TRANK1: variants seen among roughly 807,000 people sequenced by gnomAD.
TRANK1 encodes the protein TPR and ankyrin repeat-containing protein 1.
TRANK1 carries 198 observed loss-of-function variants against 266.0 expected under a neutral mutation model. The ratio of observed to expected loss-of-function variants is 0.74; its 90% CI spans 0.66 to 0.84. The LOEUF (loss-of-function observed/expected upper bound fraction) is 0.84, where lower values mean the gene tolerates loss of function less well. Among genes scored for constraint, TRANK1 ranks in the 40% least tolerant of loss-of-function variants. The pLI, the probability that TRANK1 is intolerant of heterozygous loss-of-function variation, is 0.00. For synonymous variants in TRANK1, 1,396 were observed against 1,384.1 expected (o/e 1.01, Z -0.19); for missense variants, 3,326 against 3,634.6 (o/e 0.92, Z 2.18).
intron 17 of TRANK1, among the ~76,000 whole-genome samples, chr3:36,843,809 C>T (rs927554609): frequency 2.6e-5 from 4 of 152,278 alleles, no homozygotes; most frequent in African/African-American, 7.2e-5. Context: ...ACACGTTAAG[C>T]ATCACAACCT....
chr3:36,853,773 T>C lies in TRANK1; in HGVS notation c.4549+1400A>G, dbSNP rs141638756. Among the ~76,000 whole-genome samples the C allele has an allele frequency of 2.3e-4, 35 of 152,288 alleles. No homozygotes were observed. In the East Asian group the frequency reaches 5.4e-3, roughly 23 times the overall value. On this transcript the variant is annotated intron_variant, in intron 13 of 23. Transcript: ENST00000645898. ...GAAAGAAACCAGACACAAAAGGCCATGTATTATATGATTACACTCATATGA... is the reference window on the plus strand; with the variant it reads ...GAAAGAAACCAGACACAAAAGGCCACGTATTATATGATTACACTCATATGA...
chr3:36,844,233 G>GT (rs2078885806), intron 17 of TRANK1, among the ~76,000 whole-genome samples: 1 of 151,916 alleles, frequency 6.6e-6, no homozygotes, highest in Admixed American at 6.6e-5. Context: ...TTTGTTTTTT[G>GT]TTTTTTGTTT....
chr3:36,872,529 T>C (rs1463755568), intron 9 of TRANK1, among the ~76,000 whole-genome samples: 2 of 152,044 alleles, frequency 1.3e-5, no homozygotes, highest in African/African-American at 4.8e-5. Context: ...GTGGCAAATA[T>C]AAAACATGAA....
At chr3:36,926,380 C>T (rs1487469050) in intron 1 of TRANK1, among the ~76,000 whole-genome samples, 1 of 152,242 alleles carries the variant, frequency 6.6e-6, no homozygotes, top group African/African-American at 2.4e-5. Context: ...ACACTCTTAG[C>T]AGTCCCATGA....
At chr3:36,933,214 C>T (rs531395227) in intron 1 of TRANK1, among the ~76,000 whole-genome samples, 57 of 152,246 alleles carry the variant, frequency 3.7e-4, no homozygotes, top group Admixed American at 2.1e-3. Flanking sequence ...TTTAGCCAAC[C>T]GGGATTAGTT....
chr3:36,839,558 C>T (rs1478256406), intron 18 of TRANK1, among the ~76,000 whole-genome samples: 7 of 152,230 alleles, frequency 4.6e-5, no homozygotes, highest in African/African-American at 9.6e-5. Context: ...GGCCTTTGCA[C>T]ACACTGTTCC....
At position 36,832,029 on chromosome 3, in the gene TRANK1, G is replaced by A; in HGVS notation, c.7554C>T (p.Ala2518=). ...QEYKPKDVTR[A]IQDFRFHLSY... ...AGAGATGGAACCGGAAATCCTGAAT[G>A]GCTCTTGTCACGTCCTTGGGTTTGT... Residue 2518 remains alanine, a synonymous_variant, in exon 22 of 24, where the codon GCC becomes GCT. Transcript: ENST00000645898. 6.2e-7 allele frequency: 1 copy of A among 1,614,028 alleles called. No homozygotes were observed. The highest frequency in any genetic ancestry group is 8.5e-7 in the Non-Finnish European group (1 of 1,179,904).
intron 20 of TRANK1, 135 bp downstream of exon 20, chr3:36,838,237 G>A: frequency 5.2e-6 from 7 of 1,354,454 alleles, no homozygotes; most frequent in Non-Finnish European, 7.1e-6. Context: ...GCTTCCCTTA[G>A]AGTCGCAGGG....
At chr3:36,842,962 G>A (rs2078868030) in intron 17 of TRANK1, among the ~76,000 whole-genome samples, 1 of 152,124 alleles carries the variant, frequency 6.6e-6, no homozygotes, top group Admixed American at 6.5e-5. Flanking sequence ...TTAGAACACG[G>A]GGCGACCCCA....
chr3:36,833,795 C>A lies in TRANK1; in HGVS notation c.5788G>T (p.Val1930Phe), dbSNP rs367807337. ...SANKMKEMMA[V>F]LSKLDIEDQL... ...TCTTCTATGTCTAGCTTTGAGAGGACAGCCATCATTTCCTTCATCTTATTT... is the reference window on the plus strand; with the variant it reads ...TCTTCTATGTCTAGCTTTGAGAGGAAAGCCATCATTTCCTTCATCTTATTT... Residue 1930 changes from valine (V) to phenylalanine (F), a missense_variant, in exon 22 of 24, where the codon GTC becomes TTC. Physicochemically the swap from Val to Phe is conservative, Grantham distance 50. Transcript: ENST00000645898. The A allele has an allele frequency of 6.2e-7, 1 of 1,614,030 alleles. No individual in the cohort carries two copies. The highest frequency in any genetic ancestry group is 1.7e-5 in the Admixed American group (1 of 60,024).
At chr3:36,846,137 GA>G in intron 17 of TRANK1, 110 bp downstream of exon 17, 1 of 1,156,532 alleles carries the variant, frequency 8.6e-7, no homozygotes, top group Non-Finnish European at 1.2e-6. Context: ...GAAGATTGTG[GA>G]AAAGAAAGAA....
chr3:36,910,098 C>A (rs879583183), intron 1 of TRANK1, among the ~76,000 whole-genome samples: 7 of 152,130 alleles, frequency 4.6e-5, no homozygotes, highest in African/African-American at 7.2e-5. Context: ...AAGAAAAGAC[C>A]AACATTCTCA....
In TRANK1 at chr3:36,831,138, G is replaced by C. The variant is rs775923832; in HGVS notation, c.8445C>G (p.Ser2815Arg). The C allele has an allele frequency of 6.2e-7, 1 of 1,613,922 alleles. No individual in the cohort carries two copies. Among genetic ancestry groups the C allele is most frequent in the Non-Finnish European group, 8.5e-7 (1 of 1,179,886 alleles). The change falls in exon 22 of 24, where the codon AGC becomes AGG. Residue 2815 changes from serine (S) to arginine (R), a missense_variant. By Grantham distance (110) the Ser-to-Arg change is moderately radical (BLOSUM62 -1). Coordinates refer to ENST00000645898, the MANE Select transcript of TRANK1 (RefSeq NM_001329998.2). This position sits in a 1 kb window ranked among gnomAD's most constrained non-coding sequence, Gnocchi z 5.0. ...GATGGATATGCTGCTCGTAAGACTCGCTGTTCCTCTCCTGACACTCCTCCC... is the reference window on the plus strand; with the variant it reads ...GATGGATATGCTGCTCGTAAGACTCCCTGTTCCTCTCCTGACACTCCTCCC... ...LEREECQERN[S>R]ESYEQHIHLE... is the part of the protein sequence containing the mutation.
Position 36,831,167 on chromosome 3 carries a change from C to T in TRANK1, c.8416G>A (p.Glu2806Lys). 2 of 1,614,012 alleles carry T rather than the reference C, an allele frequency of 1.2e-6. No individual in the cohort carries two copies. The highest frequency in any genetic ancestry group is 3.3e-4 in the Middle Eastern group (2 of 6,062). The change falls in exon 22 of 24, where the codon GAA becomes AAA. Residue 2806 changes from glutamate to lysine, a missense_variant. Transcript: ENST00000645898. This position sits in a 1 kb window ranked among gnomAD's most constrained non-coding sequence, Gnocchi z 5.0. Reference protein sequence around the residue: ...EVAVLSRAELEREECQERNSE... With the variant: ...EVAVLSRAELKREECQERNSE... ...TTCCTCTCCTGACACTCCTCCCTTT[C>T]CAGCTCAGCCCTGGAAAGGACTGCC...
chr3:36,827,941 C>A lies in TRANK1; in HGVS notation c.*334G>T. 1 of 237,958 alleles carries A rather than the reference C, an allele frequency of 4.2e-6. No individual in the cohort carries two copies. Among genetic ancestry groups the A allele is most frequent in the Non-Finnish European group, 8.4e-6 (1 of 119,354 alleles). 14.7% of individuals were successfully genotyped at this position (237,958 alleles called of 1,614,324 possible). ...GTCCTAACACCTAGTCCTCTGCTAC[C>A]AACTCATGTCATGATGGGGATGAGC... On this transcript the variant is annotated 3_prime_UTR_variant, in exon 24 of 24. Transcript: ENST00000645898.
At chr3:36,921,819 T>TTAAGTTAGGCTTTCTGTTACTTG (rs2080217292) in intron 1 of TRANK1, among the ~76,000 whole-genome samples, 1 of 152,108 alleles carries the variant, frequency 6.6e-6, no homozygotes, top group African/African-American at 2.4e-5. Flanking sequence ...TCCTTATTGT[T>TTAAGTTAGGCTTTCTGTTACTTG]TAAGTTAGGC....
intron 9 of TRANK1, 42 bp downstream of exon 9, chr3:36,874,084 C>A: frequency 1.3e-6 from 2 of 1,500,920 alleles, no homozygotes; most frequent in South Asian, 2.5e-5. Context: ...GTCACAGAAC[C>A]AGTTTTATGC....
intron 13 of TRANK1, among the ~76,000 whole-genome samples, chr3:36,853,905 G>A (rs192636706): frequency 6.6e-6 from 1 of 152,102 alleles, no homozygotes; most frequent in Admixed American, 6.5e-5. Context: ...GGTTTTGAGG[G>A]GTTTTTAATT....
At chr3:36,904,345 C>A (rs1259751161) in intron 2 of TRANK1, among the ~76,000 whole-genome samples, 1 of 151,570 alleles carries the variant, frequency 6.6e-6, no homozygotes, top group African/African-American at 2.4e-5. Flanking sequence ...ATGGTGAAAC[C>A]CCATCTCTAC....
Sources: gnomAD v4.1 joint callset for allele counts (sites outside exome capture counted in the v4.1 genomes callset) on GRCh38, gnomAD v4.1.1 for gene constraint, Gnocchi (gnomAD v3.1) non-coding constraint, MANE v1.5 for transcripts, NCBI Gene and HGNC (gene_info 2026-07-23, HGNC 2026-07-21) for gene names.